The following GALNT5 variants were observed in gnomAD, a reference collection of about 807,000 sequenced individuals.
GALNT5 encodes the protein UDP-GalNAc:polypeptide N-acetylgalactosaminyltransferase 5.
Under a neutral mutation model 85.4 loss-of-function variants are expected in GALNT5, and 72 were observed. The observed-to-expected ratio is 0.84, with a 90% CI of 0.70 to 1.03. The LOEUF (loss-of-function observed/expected upper bound fraction) is 1.03, where lower values mean the gene tolerates loss of function less well. Ranked by LOEUF, GALNT5 falls within the 50% of genes least tolerant of loss-of-function variation. GALNT5 has a pLI of 0.00. For missense variants in GALNT5, 1,137 were observed against 1,135.5 expected (o/e 1.00, Z -0.02); for synonymous variants, 404 against 397.0 (o/e 1.02, Z -0.21).
rs546716393 is a variant in GALNT5 at position 157,317,406 on chromosome 2, T to C, written c.*6058T>C. On this transcript the variant is annotated 3_prime_UTR_variant, in exon 10 of 10. Transcript: ENST00000259056. ...TTGAAGGAGTAATCAAGTTCTTAAT[T>C]ATCAGGGTGCTTGTTATTTAGTTGA... 1.6e-4 allele frequency among the ~76,000 whole-genome samples: 24 copies of C among 152,132 alleles called. No homozygotes were observed. Among genetic ancestry groups the C allele is most frequent in the Admixed American group, 1.5e-3 (23 of 15,270 alleles).
chr2:157,295,819 A>G, intron 4 of GALNT5, 21 bp downstream of exon 4: 1 of 1,570,072 alleles, frequency 6.4e-7, no homozygotes. Context: ...CACATTCCAC[A>G]AGATACTTTC....
In GALNT5 at chr2:157,317,393, T is replaced by A. The variant is rs969992700; in HGVS notation, c.*6045T>A. The stretch of plus-strand genomic sequence containing the variant: ...CCATTTTCCAAACTTGAAGGAGTAA[T>A]CAAGTTCTTAATTATCAGGGTGCTT... On this transcript the variant is annotated 3_prime_UTR_variant, in exon 10 of 10. Transcript: ENST00000259056. 1.3e-5 allele frequency among the ~76,000 whole-genome samples: 2 copies of A among 152,040 alleles called. No individual in the cohort carries two copies. The highest frequency in any genetic ancestry group is 4.8e-5 in the African/African-American group (2 of 41,424).
In GALNT5 at chr2:157,316,581, TC is replaced by T. The variant is rs1337962519; in HGVS notation, c.*5234del. Among the ~76,000 whole-genome samples the T allele has an allele frequency of 6.6e-6, 1 of 152,120 alleles. No individual in the cohort carries two copies. The highest frequency in any genetic ancestry group is 2.4e-5 in the African/African-American group (1 of 41,426). The stretch of plus-strand genomic sequence containing the variant: ...TTGCAACAACTTTTGCATGGGTTAC[TC>T]AATAGTTGCTACAAGACAAAATGCC... On this transcript the variant is annotated 3_prime_UTR_variant, in exon 10 of 10. Coordinates refer to ENST00000259056, the MANE Select transcript of GALNT5 (RefSeq NM_014568.3).
At chr2:157,294,988 CT>C (rs764129527) in intron 3 of GALNT5, among the ~76,000 whole-genome samples, 8 of 149,478 alleles carry the variant, frequency 5.4e-5, no homozygotes, top group Non-Finnish European at 1.2e-4. Context: ...TCCTCTAAGT[CT>C]TTTTAAAAAT....
intron 1 of GALNT5, among the ~76,000 whole-genome samples, chr2:157,283,041 C>T (rs926883245): frequency 6.6e-6 from 1 of 152,178 alleles, no homozygotes; most frequent in Non-Finnish European, 1.5e-5. Context: ...CACAAAATGT[C>T]GCATCTACTG....
chr2:157,284,000 T>G (rs1558896321), intron 1 of GALNT5, among the ~76,000 whole-genome samples: 1 of 152,230 alleles, frequency 6.6e-6, no homozygotes, highest in Admixed American at 6.5e-5. Context: ...GATGTCTGCA[T>G]GGGACATTCT....
At chr2:157,305,615 T>G in intron 7 of GALNT5, 134 bp from the exon 8 acceptor site, 1 of 593,812 alleles carries the variant, frequency 1.7e-6, no homozygotes, top group East Asian at 2.9e-5. Flanking sequence ...TAAAACTGGA[T>G]AGTGCTAAGT....
chr2:157,278,572 A>G (rs1446093099), intron 1 of GALNT5, among the ~76,000 whole-genome samples: 1 of 152,074 alleles, frequency 6.6e-6, no homozygotes, highest in African/African-American at 2.4e-5. Context: ...TTGATCTTCA[A>G]TCACTGATAC....
At chr2:157,287,190 T>C (rs1683000024) in intron 3 of GALNT5, among the ~76,000 whole-genome samples, 1 of 152,186 alleles carries the variant, frequency 6.6e-6, no homozygotes, top group African/African-American at 2.4e-5. Context: ...AGAAGTAATT[T>C]GTGGAATGAC....
At chr2:157,287,675 C>A (rs1683010290) in intron 3 of GALNT5, among the ~76,000 whole-genome samples, 1 of 152,146 alleles carries the variant, frequency 6.6e-6, no homozygotes. Flanking sequence ...CTGCCTTCCC[C>A]AAAGGCCGTA....
Position 157,311,613 on chromosome 2 carries a change from C to T in GALNT5, c.*265C>T, listed in dbSNP as rs1298500948. On this transcript the variant is annotated 3_prime_UTR_variant, in exon 10 of 10. Coordinates refer to ENST00000259056, the MANE Select transcript of GALNT5 (RefSeq NM_014568.3). ...ATGCTAGACCTCATCATGCAAATTT[C>T]CCTGTGAAAGCTAACAGGTAACTGG... 6.1e-5 allele frequency: 16 copies of T among 260,246 alleles called. No homozygotes were observed. In the South Asian group the frequency reaches 1.3e-3, roughly 21 times the overall value. 16.1% of individuals were successfully genotyped at this position (260,246 alleles called of 1,614,324 possible). A position where few individuals can be genotyped will look rare whatever the true frequency, so the allele number is the denominator to read the frequency against.
At chr2:157,309,534 A>G (rs1185916024) in intron 9 of GALNT5, among the ~76,000 whole-genome samples, 6 of 152,158 alleles carry the variant, frequency 3.9e-5, no homozygotes, top group Non-Finnish European at 7.3e-5. Flanking sequence ...GCCTTCTTAA[A>G]TTTTCTACAA....
chr2:157,282,654 A>T (rs79308634), intron 1 of GALNT5, among the ~76,000 whole-genome samples: 1,767 of 152,324 alleles, frequency 0.012, 36 homozygotes, highest in African/African-American at 0.04. Flanking sequence ...TGAGGTTCAA[A>T]GAAGTAGTAA....
At chr2:157,265,171 A>G (rs1315707166) in intron 1 of GALNT5, among the ~76,000 whole-genome samples, 1 of 152,224 alleles carries the variant, frequency 6.6e-6, no homozygotes, top group Non-Finnish European at 1.5e-5. Context: ...GTGTTAGAGC[A>G]CAGTACTCTT....
At position 157,300,857 on chromosome 2, in the gene GALNT5, A is replaced by G. The variant is rs1481647250; in HGVS notation, c.2297A>G (p.His766Arg). 26 of 1,613,930 alleles carry G rather than the reference A, an allele frequency of 1.6e-5. No individual in the cohort carries two copies. Among genetic ancestry groups the G allele is most frequent in the Non-Finnish European group, 2.2e-5 (26 of 1,179,952 alleles). Residue 766 changes from histidine to arginine, a missense_variant, in exon 7 of 10, where the codon CAC (histidine) becomes CGC (arginine). Transcript: ENST00000259056. ...GAGCTGTTCTATGGCCACGGAGACC[A>G]CCTCATCGACCAAGGGCTAGATGTT... ...YKELFYGHGDHLIDQGLDVGN... is the reference protein window; with the variant it reads ...YKELFYGHGDRLIDQGLDVGN...
chr2:157,313,910 A>G lies in GALNT5; in HGVS notation c.*2562A>G, dbSNP rs1332948462. The G allele has an allele frequency of 2.0e-5, 3 of 152,180 alleles. No homozygotes were observed. The highest frequency in any genetic ancestry group is 2.0e-4 in the Admixed American group (3 of 15,262). 9.4% of individuals were successfully genotyped at this position (152,180 alleles called of 1,614,324 possible). A position where few individuals can be genotyped will look rare whatever the true frequency, so the allele number is the denominator to read the frequency against. On this transcript the variant is annotated 3_prime_UTR_variant, in exon 10 of 10. Coordinates refer to ENST00000259056, the MANE Select transcript of GALNT5 (RefSeq NM_014568.3). ...AATTTTATACATTGCTTTTCATCAT[A>G]TATTTGCTCAGTTACTCTAAGAAGC...
At chr2:157,305,874 G>C (rs766944668) in intron 8 of GALNT5, 45 bp downstream of exon 8, 2 of 993,706 alleles carry the variant, frequency 2.0e-6, no homozygotes, top group Non-Finnish European at 3.2e-6. Flanking sequence ...ATAGGTGCAG[G>C]GTATGACACA....
At chr2:157,272,490 T>C (rs539522037) in intron 1 of GALNT5, among the ~76,000 whole-genome samples, 4 of 152,330 alleles carry the variant, frequency 2.6e-5, no homozygotes, top group East Asian at 1.9e-4. Context: ...GTACTGAGCA[T>C]AGTACTCAAC....
rs114963394 is a variant in GALNT5 at position 157,287,339 on chromosome 2, T to C, written c.1741+1205T>C. On this transcript the variant is annotated intron_variant, in intron 3 of 9. Coordinates refer to ENST00000259056, the MANE Select transcript of GALNT5 (RefSeq NM_014568.3). ...CTTTTCTATAATTCATTCTTTTTTA[T>C]TTAGCTGGCATTCATGTGTAAGGAG... Among the ~76,000 whole-genome samples the C allele has an allele frequency of 5.7e-3, 872 of 152,282 alleles. 5 individuals carry two copies. The highest frequency in any genetic ancestry group is 0.02 in the African/African-American group (815 of 41,562).
Sources: gnomAD v4.1 joint callset for allele counts (sites outside exome capture counted in the v4.1 genomes callset) on GRCh38, gnomAD v4.1.1 for gene constraint, MANE v1.5 for transcripts, NCBI Gene and HGNC (gene_info 2026-07-23, HGNC 2026-07-21) for gene names.